RBPJ: variants seen among roughly 807,000 people sequenced by gnomAD.
RBPJ encodes recombining binding protein suppressor of hairless.
Under a neutral mutation model 67.8 loss-of-function variants are expected in RBPJ, and 9 were observed. The ratio of observed to expected loss-of-function variants is 0.13; its 90% CI spans 0.08 to 0.23. The LOEUF (loss-of-function observed/expected upper bound fraction) is 0.23. RBPJ is among the 10% of genes least tolerant of loss of function. The pLI is 1.00. For missense variants in RBPJ, 305 were observed against 595.6 expected (o/e 0.51, Z 5.08); for synonymous variants, 198 against 203.3 (o/e 0.97, Z 0.22).
At chr4:26,382,538 T>A (rs1010762511) in intron 1 of RBPJ, among the ~76,000 whole-genome samples, 37 of 152,158 alleles carry the variant, frequency 2.4e-4, no homozygotes, top group Admixed American at 1.2e-3. Context: ...ATTGTCTTTT[T>A]TTGTTTTATT....
At chr4:26,200,128 C>A (rs923516815) in intron 1 of RBPJ, among the ~76,000 whole-genome samples, 4 of 152,140 alleles carry the variant, frequency 2.6e-5, no homozygotes, top group African/African-American at 2.4e-5. Flanking sequence ...GTGTGTTTGC[C>A]AATGAGGAAC....
In RBPJ at chr4:26,358,611, A is replaced by C. The variant is rs979781565; in HGVS notation, c.21-27742A>C. Among the ~76,000 whole-genome samples the C allele has an allele frequency of 6.0e-5, 7 of 116,498 alleles. No homozygotes were observed. In the East Asian group the frequency reaches 9.5e-4, roughly 16 times the overall value. The allele number at this position is 116,498 out of a possible 152,430, so 76.4% of individuals were successfully genotyped here. A position where few individuals can be genotyped will look rare whatever the true frequency, so the allele number is the denominator to read the frequency against. ...CAGCATAGCAAGACCCCATCTCTGC[A>C]AAAAAAAAAAAAAAAAAAAAAAGTT... is the stretch of plus-strand genomic sequence containing the variant. On this transcript the variant is annotated intron_variant, in intron 1 of 10. Transcript: ENST00000355476.
chr4:26,116,283 T>G, the RBPJ span, among the ~76,000 whole-genome samples: 1 of 152,358 alleles, frequency 6.6e-6, no homozygotes, highest in African/African-American at 2.4e-5. Flanking sequence ...TCAGAAGACC[T>G]TTCTATCATT....
At chr4:26,253,871 G>C (rs954551687) in intron 1 of RBPJ, among the ~76,000 whole-genome samples, 1 of 148,860 alleles carries the variant, frequency 6.7e-6, no homozygotes, top group Admixed American at 6.6e-5. Flanking sequence ...GGTGTAATGA[G>C]GGTGGAGATT....
intron 1 of RBPJ, among the ~76,000 whole-genome samples, chr4:26,337,475 A>G (rs1382317207): frequency 6.6e-6 from 1 of 150,908 alleles, no homozygotes; most frequent in Admixed American, 6.6e-5. Context: ...AGCTCTGGCT[A>G]TCCACAGGTG....
At chr4:26,320,230 C>A (rs1722872651), upstream of RBPJ, among the ~76,000 whole-genome samples, 1 of 152,216 alleles carries the variant, frequency 6.6e-6, no homozygotes, top group Non-Finnish European at 1.5e-5. Context: ...GAGAACTACT[C>A]CGCGCTCTGG....
chr4:26,244,191 ATATG>A (rs1252078764), intron 1 of RBPJ, among the ~76,000 whole-genome samples: 1 of 144,448 alleles, frequency 6.9e-6, no homozygotes, highest in Admixed American at 6.8e-5. Context: ...ATGTATACAT[ATATG>A]TGTCTATATA....
the RBPJ span, among the ~76,000 whole-genome samples, chr4:26,156,797 C>T: frequency 2.0e-5 from 3 of 152,040 alleles, no homozygotes; most frequent in African/African-American, 7.2e-5. Flanking sequence ...GGGCCAGGCA[C>T]AGTGGCTCAT....
Position 26,215,573 on chromosome 4 carries a change from T to A in RBPJ, c.-167+51959T>A, listed in dbSNP as rs145580457. Among the ~76,000 whole-genome samples, 353 of 152,252 alleles carry A rather than the reference T, an allele frequency of 2.3e-3. 3 individuals carry two copies. The highest frequency in any genetic ancestry group is 8.0e-3 in the African/African-American group (334 of 41,550). On this transcript the variant is annotated intron_variant, in intron 1 of 4. Coordinates refer to the RBPJ transcript ENST00000512351. ...AACGACTGAAATGTGCTTTTTAAATTCACAACTACCTATCTAGAAGTGAAC... is the reference window on the plus strand; with the variant it reads ...AACGACTGAAATGTGCTTTTTAAATACACAACTACCTATCTAGAAGTGAAC...
chr4:26,212,075 T>C (rs1275936951), intron 1 of RBPJ, among the ~76,000 whole-genome samples: 1 of 152,164 alleles, frequency 6.6e-6, no homozygotes, highest in Non-Finnish European at 1.5e-5. Flanking sequence ...GCTGATGCCC[T>C]GATCTCAGAC....
At chr4:26,417,595 A>G (rs1421739762) in intron 4 of RBPJ, among the ~76,000 whole-genome samples, 1 of 152,228 alleles carries the variant, frequency 6.6e-6, no homozygotes, top group African/African-American at 2.4e-5. Flanking sequence ...ATGTAAAGCA[A>G]GACTGGTGAG....
chr4:26,282,743 ACTCCTGAC>A (rs1721317499), intron 1 of RBPJ, among the ~76,000 whole-genome samples: 1 of 151,472 alleles, frequency 6.6e-6, no homozygotes, highest in Non-Finnish European at 1.5e-5. Context: ...CTTGTCTGTT[ACTCCTGAC>A]CTCAGGTGAT....
At chr4:26,278,284 TTTTAA>T (rs528074134) in intron 1 of RBPJ, among the ~76,000 whole-genome samples, 4 of 152,192 alleles carry the variant, frequency 2.6e-5, no homozygotes, top group Non-Finnish European at 5.9e-5. Context: ...ATGCCAAAGA[TTTTAA>T]TTTATTAATT....
upstream of RBPJ, chr4:26,319,524 A>C (rs1453868611): frequency 4.7e-6 from 1 of 213,672 alleles, no homozygotes; most frequent in African/African-American, 2.3e-5. Context: ...CGCTGCACGA[A>C]CGGCGCCCGG....
At chr4:26,154,720 T>C in the RBPJ span, among the ~76,000 whole-genome samples, 10,546 of 152,290 alleles carry the variant, frequency 0.069, 424 homozygotes, top group Middle Eastern at 0.12. Context: ...AAGCATAGTA[T>C]CAGCATCTAC....
intron 1 of RBPJ, among the ~76,000 whole-genome samples, chr4:26,167,896 C>T (rs1402560651): frequency 1.3e-5 from 2 of 152,008 alleles, no homozygotes; most frequent in African/African-American, 4.8e-5. Context: ...GATTGCAACC[C>T]CTGCCTTTTT....
At chr4:26,295,245 A>AGTGTGTGTGTGT (rs71932374) in intron 1 of RBPJ, among the ~76,000 whole-genome samples, 10,791 of 147,002 alleles carry the variant, frequency 0.073, 533 homozygotes, top group African/African-American at 0.14. Context: ...AGGGTGCATC[A>AGTGTGTGTGTGT]GTGTGTGTGT....
chr4:26,335,287 T>G (rs1423152621), intron 1 of RBPJ, among the ~76,000 whole-genome samples: 2 of 151,756 alleles, frequency 1.3e-5, no homozygotes, highest in Non-Finnish European at 2.9e-5. Flanking sequence ...GTTCAAGTGA[T>G]TCTCCTGCCT....
chr4:26,268,549 T>C (rs1018613690), intron 1 of RBPJ, among the ~76,000 whole-genome samples: 2 of 152,242 alleles, frequency 1.3e-5, no homozygotes, highest in Non-Finnish European at 2.9e-5. Flanking sequence ...TGCTTCCCTT[T>C]TCTCTTCAAT....
Sources: gnomAD v4.1 joint callset for allele counts (sites outside exome capture counted in the v4.1 genomes callset) on GRCh38, gnomAD v4.1.1 for gene constraint, MANE v1.5 for transcripts, NCBI Gene and HGNC (gene_info 2026-07-23, HGNC 2026-07-21) for gene names.